LRRTM4: variants seen among roughly 807,000 people sequenced by gnomAD.
LRRTM4 encodes leucine rich repeat transmembrane neuronal 4.
In LRRTM4, 25 loss-of-function variants were observed where a neutral mutation model predicts 47.6. The ratio of observed to expected loss-of-function variants is 0.53; its 90% CI spans 0.38 to 0.73. LRRTM4 has a LOEUF of 0.73. Ranked by LOEUF, LRRTM4 falls within the 30% of genes least tolerant of loss-of-function variation. The pLI, the probability that LRRTM4 is intolerant of heterozygous loss-of-function variation, is 0.00. For missense variants in LRRTM4, 638 were observed against 713.4 expected (o/e 0.89, Z 1.20); for synonymous variants, 311 against 269.5 (o/e 1.15, Z -1.51).
intron 3 of LRRTM4, among the ~76,000 whole-genome samples, chr2:76,807,459 C>CATATATATATACATATATATATATACAT (rs1430468279): frequency 2.3e-5 from 2 of 85,630 alleles, no homozygotes; most frequent in Admixed American, 1.2e-4. Context: ...TATATATATA[C>CATATATATATACATATATATATATACAT]ATATATATAT....
intron 3 of LRRTM4, among the ~76,000 whole-genome samples, chr2:76,974,209 T>C (rs567100407): frequency 0.035 from 2,558 of 72,966 alleles, 39 homozygotes; most frequent in Middle Eastern, 0.13. Flanking sequence ...TATATATATA[T>C]ACACATATAT....
intron 3 of LRRTM4, among the ~76,000 whole-genome samples, chr2:77,246,072 A>G (rs1244018012): frequency 6.6e-6 from 1 of 152,192 alleles, no homozygotes; most frequent in Admixed American, 6.5e-5. Context: ...TTGACTAGCC[A>G]TCTTTACTGA....
chr2:77,330,982 TG>T (rs1465634073), intron 3 of LRRTM4, among the ~76,000 whole-genome samples: 1 of 152,124 alleles, frequency 6.6e-6, no homozygotes, highest in Admixed American at 6.6e-5. Flanking sequence ...AAGATTTATA[TG>T]TATATATATT....
chr2:77,309,706 GATA>G, intron 3 of LRRTM4, among the ~76,000 whole-genome samples: 1 of 151,840 alleles, frequency 6.6e-6, no homozygotes. Context: ...TAGATAGATA[GATA>G]GATAGATAGA....
At chr2:76,987,823 C>A (rs546022081) in intron 3 of LRRTM4, among the ~76,000 whole-genome samples, 1 of 151,794 alleles carries the variant, frequency 6.6e-6, no homozygotes, top group Admixed American at 6.6e-5. Flanking sequence ...CGGGAAAATT[C>A]TGCAGGACAT....
intron 3 of LRRTM4, among the ~76,000 whole-genome samples, chr2:76,946,415 T>C (rs545112271): frequency 1.3e-5 from 2 of 151,944 alleles, no homozygotes; most frequent in African/African-American, 4.8e-5. Flanking sequence ...AGAACTAATA[T>C]ATAATAAATA....
intron 3 of LRRTM4, among the ~76,000 whole-genome samples, chr2:77,044,001 T>C (rs997880239): frequency 4.0e-5 from 6 of 151,680 alleles, no homozygotes; most frequent in Non-Finnish European, 8.9e-5. Flanking sequence ...TGCTCCCATA[T>C]GGAGGATTTC....
intron 3 of LRRTM4, among the ~76,000 whole-genome samples, chr2:76,778,466 ACTT>A (rs1477505454): frequency 6.8e-6 from 1 of 147,948 alleles, no homozygotes; most frequent in Non-Finnish European, 1.5e-5. Context: ...CAGAGATTCA[ACTT>A]CTTCCTGGGT....
chr2:77,062,794 T>C (rs1421627747), intron 3 of LRRTM4, among the ~76,000 whole-genome samples: 6 of 152,160 alleles, frequency 3.9e-5, no homozygotes, highest in Non-Finnish European at 8.8e-5. Context: ...CTTTTAAGTG[T>C]TCTGTGATGT....
chr2:77,082,902 A>G (rs1680579236), intron 3 of LRRTM4, among the ~76,000 whole-genome samples: 1 of 152,098 alleles, frequency 6.6e-6, no homozygotes, highest in South Asian at 2.1e-4. Flanking sequence ...ACATTACTTT[A>G]GAAGAACGAC....
At chr2:76,998,654 G>A (rs1009099278) in intron 3 of LRRTM4, among the ~76,000 whole-genome samples, 2 of 151,054 alleles carry the variant, frequency 1.3e-5, no homozygotes, top group South Asian at 2.1e-4. Context: ...TAAAATTTAC[G>A]TGTATCCCGT....
chr2:77,188,485 C>A (rs1673575385), intron 3 of LRRTM4, among the ~76,000 whole-genome samples: 1 of 152,058 alleles, frequency 6.6e-6, no homozygotes, highest in South Asian at 2.1e-4. Flanking sequence ...TGATTTGGTT[C>A]TTCCTCCTAC....
At chr2:76,769,110 G>A (rs1454517070) in intron 3 of LRRTM4, among the ~76,000 whole-genome samples, 2 of 152,150 alleles carry the variant, frequency 1.3e-5, no homozygotes, top group Non-Finnish European at 2.9e-5. Context: ...GGGCTATAAA[G>A]AATGTATTTC....
intron 3 of LRRTM4, among the ~76,000 whole-genome samples, chr2:77,259,816 A>G (rs1417820599): frequency 1.3e-5 from 2 of 152,086 alleles, no homozygotes; most frequent in Non-Finnish European, 2.9e-5. Context: ...TGTTGATATA[A>G]CCAGCTTAGT....
chr2:77,459,482 A>G (rs1383288082), intron 3 of LRRTM4, among the ~76,000 whole-genome samples: 1 of 152,044 alleles, frequency 6.6e-6, no homozygotes, highest in African/African-American at 2.4e-5. Flanking sequence ...ATAAAACACA[A>G]ATTTAGTTTC....
intron 3 of LRRTM4, among the ~76,000 whole-genome samples, chr2:77,017,230 C>G (rs1249575073): frequency 4.6e-5 from 7 of 152,082 alleles, no homozygotes; most frequent in African/African-American, 1.7e-4. Flanking sequence ...AAGGCCTGAC[C>G]TCCTGTTGTT....
At chr2:77,430,350 T>A (rs987155285) in intron 3 of LRRTM4, among the ~76,000 whole-genome samples, 3 of 152,190 alleles carry the variant, frequency 2.0e-5, no homozygotes, top group African/African-American at 7.2e-5. Flanking sequence ...CTTTTAAAAT[T>A]AGCATCTTTC....
At position 76,927,976 on chromosome 2, in the gene LRRTM4, G is replaced by C. The variant is rs1183310199; in HGVS notation, c.1552-179060C>G. On this transcript the variant is annotated intron_variant, in intron 3 of 3. Transcript: ENST00000409884. ...TCTTAAAGCGCAATTACACTGAAAT[G>C]ATTCAAATAAGCTGAATAATTTTGT... 2.6e-5 allele frequency among the ~76,000 whole-genome samples: 4 copies of C among 152,282 alleles called. No individual in the cohort carries two copies. In the East Asian group the frequency reaches 7.7e-4, roughly 29 times the overall value.
intron 3 of LRRTM4, among the ~76,000 whole-genome samples, chr2:76,936,119 C>A (rs1467164018): frequency 6.6e-6 from 1 of 152,090 alleles, no homozygotes; most frequent in Non-Finnish European, 1.5e-5. Flanking sequence ...AATCATTCTC[C>A]TATAAGGAAA....
Sources: allele counts gnomAD v4.1 joint callset (sites outside exome capture counted in the v4.1 genomes callset), GRCh38; gene constraint gnomAD v4.1.1; transcripts MANE v1.5; gene names NCBI Gene and HGNC (gene_info 2026-07-23, HGNC 2026-07-21).